The following TMPRSS4 variants were observed in gnomAD, a reference collection of about 807,000 sequenced individuals.
The protein encoded by TMPRSS4 is transmembrane serine protease 4, also known as transmembrane protease serine 4.
Under a neutral mutation model 56.4 loss-of-function variants are expected in TMPRSS4, and 45 were observed. The observed-to-expected ratio is 0.80, with a 90% CI of 0.63 to 1.02. The LOEUF (loss-of-function observed/expected upper bound fraction) is 1.02, where lower values mean the gene tolerates loss of function less well. Among genes scored for constraint, TMPRSS4 ranks in the 50% least tolerant of loss-of-function variants. The probability of loss-of-function intolerance (pLI) is 0.00; values close to 1 mark genes in which losing one functional copy is unlikely to be tolerated. For synonymous variants in TMPRSS4, 205 were observed against 211.0 expected (o/e 0.97, Z 0.25); for missense variants, 546 against 556.7 (o/e 0.98, Z 0.19).
intron 7 of TMPRSS4, among the ~76,000 whole-genome samples, chr11:118,111,335 G>T (rs1305577261): frequency 6.6e-6 from 1 of 152,164 alleles, no homozygotes; most frequent in African/African-American, 2.4e-5. Context: ...GTCCACTTCC[G>T]AGTCACAAAA....
intron 5 of TMPRSS4, 135 bp from the exon 6 acceptor site, chr11:118,107,639 C>A: frequency 1.5e-6 from 1 of 671,574 alleles, no homozygotes; most frequent in Non-Finnish European, 2.6e-6. Flanking sequence ...CTGACTAAGA[C>A]CATCTCCACT....
chr11:118,080,289 G>T (rs533821566), intron 1 of TMPRSS4, among the ~76,000 whole-genome samples: 100 of 152,228 alleles, frequency 6.6e-4, no homozygotes, highest in Non-Finnish European at 1.1e-3. Context: ...GGCAGGGAAA[G>T]CAGGAAGGAG....
intron 4 of TMPRSS4, among the ~76,000 whole-genome samples, chr11:118,103,850 C>T (rs1307804158): frequency 6.6e-6 from 1 of 152,212 alleles, no homozygotes; most frequent in Admixed American, 6.5e-5. Flanking sequence ...AGGCAGAGGG[C>T]TAGACTGGGT....
At position 118,103,137 on chromosome 11, in the gene TMPRSS4, G is replaced by A. The variant is rs778179395; in HGVS notation, c.194G>A (p.Gly65Glu). 2 of 1,614,086 alleles carry A rather than the reference G, an allele frequency of 1.2e-6. No homozygotes were observed. The highest frequency in any genetic ancestry group is 1.7e-5 in the Admixed American group (1 of 60,008). ...CTGGATAAATACTACTTCCTCTGCGGGCAGCCTCTCCACTTCATCCCGAGG... is the reference window on the plus strand; with the variant it reads ...CTGGATAAATACTACTTCCTCTGCGAGCAGCCTCTCCACTTCATCCCGAGG... ...VILDKYYFLCGQPLHFIPRKQ... is the reference protein window; with the variant it reads ...VILDKYYFLCEQPLHFIPRKQ... The change falls in exon 4 of 13, where the codon GGG becomes GAG. Residue 65 changes from glycine to glutamate, a missense_variant. Transcript: ENST00000437212.
intron 1 of TMPRSS4, among the ~76,000 whole-genome samples, chr11:118,083,686 C>G (rs1194908844): frequency 6.6e-6 from 1 of 152,154 alleles, no homozygotes; most frequent in African/African-American, 2.4e-5. Context: ...ACTGCTAGGT[C>G]TCCAGGGCCC....
At chr11:118,116,715 CTT>C (rs58251133) in intron 11 of TMPRSS4, among the ~76,000 whole-genome samples, 4 of 123,346 alleles carry the variant, frequency 3.2e-5, no homozygotes, top group Admixed American at 8.6e-5. Flanking sequence ...GATAACCAGG[CTT>C]TTTTTTTTTT....
At chr11:118,081,324 T>C (rs1450027205) in intron 1 of TMPRSS4, among the ~76,000 whole-genome samples, 2 of 152,122 alleles carry the variant, frequency 1.3e-5, no homozygotes, top group Non-Finnish European at 2.9e-5. Context: ...ACCCTGGTGA[T>C]AGGGAAGGGG....
At chr11:118,112,011 C>G in intron 8 of TMPRSS4, 111 bp downstream of exon 8, 1 of 1,442,152 alleles carries the variant, frequency 6.9e-7, no homozygotes, top group Non-Finnish European at 9.2e-7. Flanking sequence ...CCACTAGAGA[C>G]GTTTTCCAGG....
intron 1 of TMPRSS4, among the ~76,000 whole-genome samples, chr11:118,093,800 T>C (rs572662332): frequency 1.6e-5 from 2 of 123,490 alleles, no homozygotes; most frequent in East Asian, 4.7e-4. Context: ...TCCACTGTGT[T>C]CCTTCCAATA....
At chr11:118,085,349 G>A (rs1021889911) in intron 1 of TMPRSS4, among the ~76,000 whole-genome samples, 12 of 151,604 alleles carry the variant, frequency 7.9e-5, no homozygotes, top group African/African-American at 1.7e-4. Context: ...TCAGCCTCCC[G>A]AGTAGCTGGG....
At chr11:118,099,162 C>G in intron 3 of TMPRSS4, 64 bp downstream of exon 3, 2 of 1,344,644 alleles carry the variant, frequency 1.5e-6, no homozygotes, top group Non-Finnish European at 2.1e-6. Context: ...ACCCCCACCC[C>G]CGCACTCACC....
chr11:118,090,075 C>A (rs546433924), intron 1 of TMPRSS4, among the ~76,000 whole-genome samples: 1 of 152,234 alleles, frequency 6.6e-6, no homozygotes, highest in African/African-American at 2.4e-5. Context: ...GAACTCCTGA[C>A]GTCAGATCCA....
chr11:118,082,420 G>A (rs1201171770), intron 1 of TMPRSS4, among the ~76,000 whole-genome samples: 2 of 152,148 alleles, frequency 1.3e-5, no homozygotes, highest in Non-Finnish European at 2.9e-5. Flanking sequence ...CATTAGCCGA[G>A]CGCAGTAGCT....
intron 2 of TMPRSS4, 87 bp downstream of exon 2, chr11:118,094,942 T>TCAC (rs1946203792): frequency 1.4e-6 from 2 of 1,400,174 alleles, no homozygotes; most frequent in Non-Finnish European, 2.0e-6. Context: ...CGCCTGGCCC[T>TCAC]CACCACCACC....
intron 1 of TMPRSS4, among the ~76,000 whole-genome samples, chr11:118,093,818 G>GCC (rs56222160): frequency 0.32 from 48,259 of 149,232 alleles, 7,851 homozygotes; most frequent in South Asian, 0.45. Context: ...ATAACTAACT[G>GCC]CCCCCCCCAA....
At chr11:118,077,725 G>A (rs938908958) in intron 1 of TMPRSS4, among the ~76,000 whole-genome samples, 2 of 152,160 alleles carry the variant, frequency 1.3e-5, no homozygotes, top group African/African-American at 4.8e-5. Flanking sequence ...TTAAAGAAAA[G>A]TGTAGACTGG....
intron 1 of TMPRSS4, chr11:118,087,433 T>C (rs602445): frequency 0.059 from 8,990 of 152,278 alleles, 341 homozygotes; most frequent in East Asian, 0.1. Flanking sequence ...CTTGCCTGTT[T>C]CATTATGAGG....
intron 1 of TMPRSS4, among the ~76,000 whole-genome samples, chr11:118,091,265 C>G (rs930109571): frequency 6.6e-6 from 1 of 152,176 alleles, no homozygotes; most frequent in Non-Finnish European, 1.5e-5. Context: ...TGCCTTGCTC[C>G]AGCCATGCCC....
intron 1 of TMPRSS4, among the ~76,000 whole-genome samples, chr11:118,077,749 C>T (rs1032139131): frequency 9.9e-5 from 15 of 151,686 alleles, no homozygotes; most frequent in African/African-American, 2.7e-4. Context: ...CAGTGGCTCA[C>T]GCCTGTAGTC....
Sources: gnomAD v4.1 joint callset for allele counts (sites outside exome capture counted in the v4.1 genomes callset) on GRCh38, gnomAD v4.1.1 for gene constraint, MANE v1.5 for transcripts, NCBI Gene and HGNC (gene_info 2026-07-23, HGNC 2026-07-21) for gene names.